The following PARL variants were observed in gnomAD, a reference collection of about 807,000 sequenced individuals.
PARL encodes presenilin-associated rhomboid-like protein, mitochondrial.
A neutral mutation model predicts 51.6 loss-of-function variants in PARL; 44 were observed. The ratio of observed to expected loss-of-function variants is 0.85; its 90% CI spans 0.67 to 1.10. The LOEUF is 1.10. PARL is among the 50% of genes least tolerant of loss of function. PARL has a pLI of 0.00. For synonymous variants in PARL, 172 were observed against 164.0 expected, an observed-to-expected ratio of 1.05 and a Z score of -0.37; for missense variants, 441 against 469.5, an observed-to-expected ratio of 0.94 and a Z score of 0.56.
chr3:183,856,188 C>T (rs1397988174), intron 4 of PARL, among the ~76,000 whole-genome samples: 1 of 152,160 alleles, frequency 6.6e-6, no homozygotes, highest in Non-Finnish European at 1.5e-5. Flanking sequence ...CTCAGGTTAT[C>T]TTCCTCCTCA....
Position 183,884,767 on chromosome 3 carries a change from TC to T in PARL, c.79del (p.Glu27ArgfsTer7). ...WGASVGGRSCEELTAVLTPPQ... is the reference protein window; with the variant it reads ...WGASVGGRSCXELTAVLTPPQ... ...CGGGGTTAGGACCGCAGTGAGCTCC[TC>T]GCAGCTGCGGCCGCCCACCGACGCA... On this transcript the variant is annotated frameshift_variant, in exon 1 of 10. Coordinates refer to ENST00000317096, the MANE Select transcript of PARL (RefSeq NM_018622.7). LOFTEE classifies it high-confidence loss of function. 6.3e-7 allele frequency: 1 copy of T among 1,582,848 alleles called. No individual in the cohort carries two copies. The highest frequency in any genetic ancestry group is 8.6e-7 in the Non-Finnish European group (1 of 1,169,274).
At position 183,844,391 on chromosome 3, in the gene PARL, T is replaced by C. The variant is rs529505621; in HGVS notation, c.512-65A>G. ...GAAAGCAGGAAAGTCTGATCTACAT[T>C]ACCCCCTTGTAAGATTCTTCCACAA... On this transcript the variant is annotated intron_variant, in intron 4 of 9. Transcript: ENST00000317096. The C allele has an allele frequency of 9.3e-6, 9 of 970,524 alleles. No individual in the cohort carries two copies. The African/African-American group carries it at 1.1e-4, about 12-fold the overall frequency. The allele number at this position is 970,524 out of a possible 1,614,324, so 60.1% of individuals were successfully genotyped here. A position where few individuals can be genotyped will look rare whatever the true frequency, so the allele number is the denominator to read the frequency against.
chr3:183,843,318 G>A (rs749238165), intron 5 of PARL: 42 of 984,840 alleles, frequency 4.3e-5, no homozygotes, highest in Non-Finnish European at 9.6e-6. Context: ...AAAAAAATAA[G>A]CAGTCTGGGC....
intron 7 of PARL, among the ~76,000 whole-genome samples, chr3:183,838,342 T>A (rs966804161): frequency 6.6e-6 from 1 of 152,226 alleles, no homozygotes; most frequent in African/African-American, 2.4e-5. Context: ...CTGCATCTTA[T>A]AACGTCTCAC....
In PARL at chr3:183,840,643, G is replaced by T; in HGVS notation, c.758-3C>A. ...ACTGACAAAATTGGAAATAACACCT[G>T]AAAAACAAGTCACATTACAATAATT... On this transcript the variant is annotated splice_region_variant and splice_polypyrimidine_tract_variant and intron_variant, in intron 6 of 9. Transcript: ENST00000317096. 1.4e-6 allele frequency: 2 copies of T among 1,475,244 alleles called. No homozygotes were observed. Among genetic ancestry groups the T allele is most frequent in the Non-Finnish European group, 1.9e-6 (2 of 1,061,792 alleles). 91.4% of individuals were successfully genotyped at this position (1,475,244 alleles called of 1,614,324 possible). A position where few individuals can be genotyped will look rare whatever the true frequency, so the allele number is the denominator to read the frequency against.
chr3:183,873,841 G>A (rs912758092), intron 1 of PARL, among the ~76,000 whole-genome samples: 2 of 152,028 alleles, frequency 1.3e-5, no homozygotes, highest in East Asian at 1.9e-4. Context: ...TATATACCTC[G>A]AGGATCTCAC....
chr3:183,845,270 C>T (rs192045961), intron 4 of PARL, among the ~76,000 whole-genome samples: 3 of 152,106 alleles, frequency 2.0e-5, no homozygotes, highest in South Asian at 2.1e-4. Context: ...CTGTGGCTTC[C>T]GCAGTTGCTC....
chr3:183,867,925 G>A lies in PARL; in HGVS notation c.261C>T (p.Val87=), dbSNP rs200605947. ...SALIPPVEET[V]FYPSPYPIRS... ...TTATAGGATAGGGAGAAGGATAAAA[G>A]ACTGTTTCTTCCACAGGAGGAATCA... Residue 87 remains valine (V), a synonymous_variant, in exon 2 of 10, where the codon GTC becomes GTT. Coordinates refer to ENST00000317096, the MANE Select transcript of PARL (RefSeq NM_018622.7). 1 of 1,613,858 alleles carries A rather than the reference G, an allele frequency of 6.2e-7. No individual in the cohort carries two copies. The highest frequency in any genetic ancestry group is 2.2e-5 in the East Asian group (1 of 44,870).
intron 4 of PARL, among the ~76,000 whole-genome samples, chr3:183,845,097 A>ATTTAC (rs200739777): frequency 6.6e-6 from 1 of 152,082 alleles, no homozygotes; most frequent in African/African-American, 2.4e-5. Context: ...AATTAAAATA[A>ATTTAC]ACATTTGTCA....
chr3:183,830,829 C>T (rs906661230), intron 9 of PARL, among the ~76,000 whole-genome samples: 1 of 152,120 alleles, frequency 6.6e-6, no homozygotes, highest in Non-Finnish European at 1.5e-5. Context: ...CATTAATTAA[C>T]AGGCATGTAA....
Position 183,854,600 on chromosome 3 carries a change from G to A in PARL, c.511+8153C>T, listed in dbSNP as rs368755599. Among the ~76,000 whole-genome samples, 294 of 152,182 alleles carry A rather than the reference G, an allele frequency of 1.9e-3. 3 individuals carry two copies. Among genetic ancestry groups the A allele is most frequent in the African/African-American group, 6.8e-3 (281 of 41,536 alleles). On this transcript the variant is annotated intron_variant, in intron 4 of 9. Transcript: ENST00000317096. ...GATGAAGGGAGGAGAAAAAGGGGAC[G>A]TATTGTTTAATGAGTAGAGTTTCAG...
Position 183,876,647 on chromosome 3 carries a change from AAAAGAAAG to A in PARL, c.125+8067_125+8074del, listed in dbSNP as rs147502435. ...AAAAAAAAAAAAAAAAAGAAAAAGA[AAAAGAAAG>A]AAAGAAAGAAAGAAAAAGAAATATA... On this transcript the variant is annotated intron_variant, in intron 1 of 9. Coordinates refer to ENST00000317096, the MANE Select transcript of PARL (RefSeq NM_018622.7). Among the ~76,000 whole-genome samples, 296 of 137,694 alleles carry A rather than the reference AAAAGAAAG, an allele frequency of 2.1e-3. 2 individuals carry two copies. The highest frequency in any genetic ancestry group is 7.0e-3 in the African/African-American group (241 of 34,672). 90.3% of individuals were successfully genotyped at this position (137,694 alleles called of 152,430 possible). A position where few individuals can be genotyped will look rare whatever the true frequency, so the allele number is the denominator to read the frequency against.
Position 183,833,719 on chromosome 3 carries a change from C to T in PARL, c.930+5G>A. The stretch of plus-strand genomic sequence containing the variant: ...CCCAGCACTGCACTTCATAAAAATA[C>T]TTACATTCCCTGCTGTGAACGTGAA... On this transcript the variant is annotated splice_donor_5th_base_variant and intron_variant, in intron 8 of 9. Coordinates refer to ENST00000317096, the MANE Select transcript of PARL (RefSeq NM_018622.7). The T allele has an allele frequency of 6.3e-7, 1 of 1,588,944 alleles. No individual in the cohort carries two copies.
intron 1 of PARL, among the ~76,000 whole-genome samples, chr3:183,882,245 T>TTATATATATATATATATATATATTTA: frequency 3.4e-5 from 1 of 29,350 alleles, no homozygotes; most frequent in South Asian, 8.2e-4. Context: ...ATATATATAT[T>TTATATATATATATATATATATATTTA]TATATATATA....
At chr3:183,841,325 C>A (rs1352593779) in intron 6 of PARL, among the ~76,000 whole-genome samples, 1 of 152,186 alleles carries the variant, frequency 6.6e-6, no homozygotes, top group Non-Finnish European at 1.5e-5. Flanking sequence ...ATCTTACAAG[C>A]CAAACACAAT....
intron 4 of PARL, among the ~76,000 whole-genome samples, chr3:183,856,871 G>A (rs1373486011): frequency 6.6e-6 from 1 of 152,140 alleles, no homozygotes; most frequent in Non-Finnish European, 1.5e-5. Flanking sequence ...AATTTTAAAT[G>A]TATATTCTTT....
intron 4 of PARL, among the ~76,000 whole-genome samples, chr3:183,852,471 A>G (rs915769236): frequency 6.6e-6 from 1 of 152,196 alleles, no homozygotes; most frequent in African/African-American, 2.4e-5. Flanking sequence ...AGAAAGTAGA[A>G]TGCGGTTACT....
intron 9 of PARL, 69 bp downstream of exon 9, chr3:183,833,423 G>T: frequency 1.1e-6 from 1 of 926,870 alleles, no homozygotes; most frequent in Non-Finnish European, 1.8e-6. Flanking sequence ...GGGGGTAGGG[G>T]TGAGGCTGGG....
chr3:183,881,611 C>T (rs752671978), intron 1 of PARL, among the ~76,000 whole-genome samples: 4 of 152,162 alleles, frequency 2.6e-5, no homozygotes, highest in Non-Finnish European at 5.9e-5. Context: ...CAAAATAGAG[C>T]CCGAGGCATG....
Sources: gnomAD v4.1 joint callset for allele counts (sites outside exome capture counted in the v4.1 genomes callset) on GRCh38, gnomAD v4.1.1 for gene constraint, MANE v1.5 for transcripts, NCBI Gene and HGNC (gene_info 2026-07-23, HGNC 2026-07-21) for gene names.